Variants in METAP1D observed in about 807,000 individuals in gnomAD.
METAP1D encodes the protein methionine aminopeptidase 1D, mitochondrial.
Under a neutral mutation model 40.5 loss-of-function variants are expected in METAP1D, and 31 were observed. That is an observed-to-expected ratio of 0.77 (90% confidence interval 0.58 to 1.03). The LOEUF is 1.03. Among genes scored for constraint, METAP1D ranks in the 50% least tolerant of loss-of-function variants. The probability of loss-of-function intolerance (pLI) is 0.00; values close to 1 mark genes in which losing one functional copy is unlikely to be tolerated. For missense variants in METAP1D, 411 were observed against 420.7 expected (o/e 0.98, Z 0.20); for synonymous variants, 151 against 146.4 (o/e 1.03, Z -0.22).
intron 3 of METAP1D, 29 bp from the exon 4 acceptor site, chr2:172,065,575 C>T (rs1167940912): frequency 6.2e-7 from 1 of 1,609,130 alleles, no homozygotes; most frequent in Middle Eastern, 1.7e-4. Context: ...TCAATTGTTG[C>T]TGCACAATTT....
chr2:172,071,751 G>A (rs375404785), intron 6 of METAP1D, among the ~76,000 whole-genome samples: 11 of 152,120 alleles, frequency 7.2e-5, no homozygotes, highest in African/African-American at 1.9e-4. Context: ...TAGACATGCC[G>A]AATATATGTT....
At chr2:172,034,493 C>G (rs1689324703) in intron 1 of METAP1D, among the ~76,000 whole-genome samples, 1 of 151,882 alleles carries the variant, frequency 6.6e-6, no homozygotes. Context: ...AGTTTACCAC[C>G]TGGTCCGGGT....
intron 3 of METAP1D, among the ~76,000 whole-genome samples, chr2:172,064,836 TGAA>T (rs937015972): frequency 6.6e-6 from 1 of 152,114 alleles, no homozygotes; most frequent in Non-Finnish European, 1.5e-5. Context: ...ATATACAAAA[TGAA>T]GAAAATTATT....
intron 1 of METAP1D, among the ~76,000 whole-genome samples, chr2:172,028,640 T>G (rs1689174845): frequency 6.6e-6 from 1 of 151,816 alleles, no homozygotes; most frequent in African/African-American, 2.4e-5. Flanking sequence ...CAACTTGTTT[T>G]TCATTTACCA....
intron 7 of METAP1D, 34 bp downstream of exon 7, chr2:172,077,928 C>G: frequency 8.0e-7 from 1 of 1,248,192 alleles, no homozygotes; most frequent in Non-Finnish European, 1.2e-6. Context: ...GTTTCTTGAT[C>G]AGAGATCAAG....
intron 1 of METAP1D, among the ~76,000 whole-genome samples, chr2:172,034,966 C>T (rs1314616371): frequency 6.7e-6 from 1 of 148,834 alleles, no homozygotes; most frequent in East Asian, 2.0e-4. Context: ...TAGAGAAACC[C>T]TGATTGTTAG....
rs773766497 is a variant in METAP1D at position 172,065,645 on chromosome 2, G to A, written c.390G>A (p.Arg130=). ...TTEEIDALVH[R]EIISHNAYPS... ...AAGAGATAGATGCTCTTGTTCATCG[G>A]GAAATCATCAGTCATAATGCCTATC... The change falls in exon 4 of 10, where the codon CGG becomes CGA. Residue 130 remains arginine (R), a synonymous_variant. Coordinates refer to ENST00000315796, the MANE Select transcript of METAP1D (RefSeq NM_199227.3). The A allele has an allele frequency of 1.9e-6, 3 of 1,613,904 alleles. No homozygotes were observed. The Admixed American group carries it at 5.0e-5, about 27-fold the overall frequency.
intron 1 of METAP1D, among the ~76,000 whole-genome samples, chr2:172,018,281 T>C (rs1318131620): frequency 1.3e-5 from 2 of 152,038 alleles, no homozygotes; most frequent in African/African-American, 2.4e-5. Flanking sequence ...GCCTCTCTTG[T>C]AGATTAGGGC....
At chr2:172,027,177 C>T (rs1268663700) in intron 1 of METAP1D, among the ~76,000 whole-genome samples, 1 of 152,206 alleles carries the variant, frequency 6.6e-6, no homozygotes, top group Non-Finnish European at 1.5e-5. Context: ...CCCAACCTAA[C>T]ACACAAAACC....
At chr2:172,077,770 T>G in intron 6 of METAP1D, 27 bp from the exon 7 acceptor site, 1 of 1,196,838 alleles carries the variant, frequency 8.4e-7, no homozygotes, top group East Asian at 2.5e-5. Flanking sequence ...TCTAATTTAA[T>G]TAAATATTTT....
intron 1 of METAP1D, among the ~76,000 whole-genome samples, chr2:172,059,146 T>C (rs1370870440): frequency 2.0e-5 from 3 of 151,414 alleles, no homozygotes; most frequent in Non-Finnish European, 4.4e-5. Flanking sequence ...TCTTGCTCTG[T>C]CACCCAGGCT....
At chr2:172,072,297 G>T (rs1342660054) in intron 6 of METAP1D, 1 of 166,978 alleles carries the variant, frequency 6.0e-6, no homozygotes, top group Non-Finnish European at 1.5e-5. Context: ...AACACCTAGG[G>T]TTCAACAAAT....
In METAP1D at chr2:172,080,646, C is replaced by T. The variant is rs1690683398; in HGVS notation, c.*240C>T. 1 of 597,602 alleles carries T rather than the reference C, an allele frequency of 1.7e-6. No homozygotes were observed. The highest frequency in any genetic ancestry group is 1.9e-5 in the African/African-American group (1 of 53,700). The allele number at this position is 597,602 out of a possible 1,614,324, so 37.0% of individuals were successfully genotyped here. On this transcript the variant is annotated 3_prime_UTR_variant, in exon 10 of 10. Transcript: ENST00000315796. ...CCTGGCCCTGGACTCGGTTTCCCAG[C>T]GCGGTCAACGCATCTGGAGGGGACT...
At chr2:172,043,785 T>TA (rs1199818610) in intron 1 of METAP1D, among the ~76,000 whole-genome samples, 1 of 135,070 alleles carries the variant, frequency 7.4e-6, no homozygotes, top group Non-Finnish European at 1.7e-5. Flanking sequence ...TTTCTTATCT[T>TA]AAAGAAGACG....
At chr2:172,056,426 A>T (rs950396179) in intron 1 of METAP1D, among the ~76,000 whole-genome samples, 1 of 152,204 alleles carries the variant, frequency 6.6e-6, no homozygotes, top group African/African-American at 2.4e-5. Context: ...ATGCTGTGCC[A>T]CTTTGGTTAT....
At chr2:172,020,569 T>C (rs974425127) in intron 1 of METAP1D, among the ~76,000 whole-genome samples, 2 of 152,210 alleles carry the variant, frequency 1.3e-5, no homozygotes, top group African/African-American at 4.8e-5. Flanking sequence ...TCTAAAACTA[T>C]TGAGGGCTTA....
intron 6 of METAP1D, among the ~76,000 whole-genome samples, chr2:172,076,151 G>A (rs985222320): frequency 4.0e-5 from 6 of 151,306 alleles, no homozygotes; most frequent in South Asian, 2.1e-4. Flanking sequence ...AGATGTAGCC[G>A]TGATGCCTGC....
At chr2:172,014,932 G>A (rs1366832773) in intron 1 of METAP1D, among the ~76,000 whole-genome samples, 2 of 152,080 alleles carry the variant, frequency 1.3e-5, no homozygotes, top group African/African-American at 4.8e-5. Flanking sequence ...GATTACAGGC[G>A]TCAGCCACTG....
chr2:172,080,267 C>T, intron 9 of METAP1D, 61 bp downstream of exon 9: 1 of 1,613,582 alleles, frequency 6.2e-7, no homozygotes, highest in Non-Finnish European at 8.5e-7. Flanking sequence ...GGTCCGACGG[C>T]GCGCTTGTGG....
Sources: gnomAD v4.1 joint callset for allele counts (sites outside exome capture counted in the v4.1 genomes callset) on GRCh38, gnomAD v4.1.1 for gene constraint, MANE v1.5 for transcripts, NCBI Gene and HGNC (gene_info 2026-07-23, HGNC 2026-07-21) for gene names.